TFEC: variants seen among roughly 807,000 people sequenced by gnomAD.
TFEC encodes class E basic helix-loop-helix protein 34.
In TFEC, 31 loss-of-function variants were observed where a neutral mutation model predicts 41.6. That is an observed-to-expected ratio of 0.74 (90% CI 0.56 to 1.01). The LOEUF (loss-of-function observed/expected upper bound fraction) is 1.01. TFEC is among the 50% of genes least tolerant of loss of function. The pLI is 0.00. For synonymous variants in TFEC, 143 were observed against 140.6 expected (o/e 1.02, Z -0.12); for missense variants, 402 against 404.1 (o/e 0.99, Z 0.04).
chr7:116,057,650 T>A (rs1452187050), intron 3 of TFEC, among the ~76,000 whole-genome samples: 1 of 151,928 alleles, frequency 6.6e-6, no homozygotes, highest in Admixed American at 6.6e-5. Context: ...ATTAACTTTT[T>A]AAATTTTTTG....
intron 3 of TFEC, among the ~76,000 whole-genome samples, chr7:116,048,806 AAG>A (rs1203610380): frequency 6.6e-6 from 1 of 152,208 alleles, no homozygotes; most frequent in Non-Finnish European, 1.5e-5. Flanking sequence ...TACAAGCCAG[AAG>A]AGAGTGGGGG....
chr7:116,000,946 A>T (rs1424208836), intron 1 of TFEC, among the ~76,000 whole-genome samples: 1 of 152,104 alleles, frequency 6.6e-6, no homozygotes. Context: ...AATAGAAAAA[A>T]AAAAAAGAAA....
At chr7:116,067,342 C>CA (rs1482104571) in intron 3 of TFEC, among the ~76,000 whole-genome samples, 6 of 152,042 alleles carry the variant, frequency 3.9e-5, no homozygotes, top group African/African-American at 1.4e-4. Flanking sequence ...AGAATATCTG[C>CA]AATGCCTCTG....
chr7:116,084,293 T>C (rs1797154730), intron 3 of TFEC, among the ~76,000 whole-genome samples: 1 of 151,932 alleles, frequency 6.6e-6, no homozygotes, highest in African/African-American at 2.4e-5. Flanking sequence ...AAGGTTTTAT[T>C]CGAATTTATT....
At chr7:116,094,638 C>A (rs1797408300) in intron 3 of TFEC, among the ~76,000 whole-genome samples, 1 of 152,122 alleles carries the variant, frequency 6.6e-6, no homozygotes. Flanking sequence ...TCAGATTGAG[C>A]CACTGCACTC....
chr7:116,137,395 G>A (rs748530227), intron 1 of TFEC, among the ~76,000 whole-genome samples: 2 of 152,100 alleles, frequency 1.3e-5, no homozygotes, highest in African/African-American at 4.8e-5. Flanking sequence ...GCTTTCTGGG[G>A]TCACCTTACT....
At chr7:116,099,565 A>T (rs992092471) in intron 3 of TFEC, among the ~76,000 whole-genome samples, 10 of 152,208 alleles carry the variant, frequency 6.6e-5, no homozygotes, top group African/African-American at 2.4e-4. Flanking sequence ...ACATATGAAG[A>T]AGCCAAACCA....
At chr7:115,991,019 T>C (rs1794084844) in intron 1 of TFEC, among the ~76,000 whole-genome samples, 1 of 152,162 alleles carries the variant, frequency 6.6e-6, no homozygotes, top group Non-Finnish European at 1.5e-5. Context: ...CCCATCAGAC[T>C]AACAGCTGAT....
At chr7:116,140,041 T>C (rs1179500369) in intron 1 of TFEC, among the ~76,000 whole-genome samples, 3 of 152,180 alleles carry the variant, frequency 2.0e-5, no homozygotes, top group Non-Finnish European at 4.4e-5. Flanking sequence ...AGGAATGTTC[T>C]AGAAATATCA....
chr7:116,131,727 C>A (rs1266594590), intron 1 of TFEC, among the ~76,000 whole-genome samples: 1 of 152,082 alleles, frequency 6.6e-6, no homozygotes, highest in African/African-American at 2.4e-5. Flanking sequence ...CATCTTGTTT[C>A]TATCATCATC....
intron 3 of TFEC, among the ~76,000 whole-genome samples, chr7:116,054,763 T>G (rs1796389493): frequency 6.6e-6 from 1 of 152,140 alleles, no homozygotes; most frequent in African/African-American, 2.4e-5. Flanking sequence ...CATCTTGTAT[T>G]TCATCTGGCA....
intron 3 of TFEC, among the ~76,000 whole-genome samples, chr7:116,098,393 C>A (rs1035608483): frequency 6.6e-6 from 1 of 151,922 alleles, no homozygotes; most frequent in African/African-American, 2.4e-5. Context: ...TGAACCACTG[C>A]GCCCAGCCGC....
At chr7:116,004,663 G>C (rs1046928460) in intron 1 of TFEC, among the ~76,000 whole-genome samples, 5 of 152,072 alleles carry the variant, frequency 3.3e-5, no homozygotes, top group Admixed American at 6.6e-5. Flanking sequence ...ATTAACCAAA[G>C]AACCAGGGGC....
At chr7:116,096,464 A>C (rs1200724372) in intron 3 of TFEC, among the ~76,000 whole-genome samples, 3 of 152,188 alleles carry the variant, frequency 2.0e-5, no homozygotes, top group Non-Finnish European at 4.4e-5. Flanking sequence ...TGGATCCTTG[A>C]CAATATGTGG....
At chr7:116,086,752 C>T (rs1163731652) in intron 3 of TFEC, among the ~76,000 whole-genome samples, 2 of 151,762 alleles carry the variant, frequency 1.3e-5, no homozygotes, top group African/African-American at 4.8e-5. Flanking sequence ...GAATATTCTG[C>T]CAAGTCATGA....
At chr7:116,073,946 G>A (rs1562960024) in intron 3 of TFEC, among the ~76,000 whole-genome samples, 1 of 151,724 alleles carries the variant, frequency 6.6e-6, no homozygotes, top group Non-Finnish European at 1.5e-5. Flanking sequence ...TTCAGCAAGG[G>A]TGCTCAGACA....
At chr7:116,157,085 T>C (rs1410361515) in intron 1 of TFEC, among the ~76,000 whole-genome samples, 1 of 152,180 alleles carries the variant, frequency 6.6e-6, no homozygotes, top group Non-Finnish European at 1.5e-5. Context: ...CCGATGATCT[T>C]TCCCATACTC....
chr7:115,975,994 A>G (rs1793361816), intron 2 of TFEC, among the ~76,000 whole-genome samples: 2 of 152,288 alleles, frequency 1.3e-5, no homozygotes, highest in Admixed American at 6.5e-5. Context: ...CAATGATGGG[A>G]ATGTCCTACA....
At chr7:116,043,001 C>T (rs1331584548) in intron 3 of TFEC, among the ~76,000 whole-genome samples, 3 of 152,116 alleles carry the variant, frequency 2.0e-5, no homozygotes, top group Non-Finnish European at 4.4e-5. Flanking sequence ...AGTCTTTGTA[C>T]TCGTTAACTC....
Sources: allele counts gnomAD v4.1 joint callset (sites outside exome capture counted in the v4.1 genomes callset), GRCh38; gene constraint gnomAD v4.1.1; transcripts MANE v1.5; gene names NCBI Gene and HGNC (gene_info 2026-07-23, HGNC 2026-07-21).